GALK2: variants seen among roughly 807,000 people sequenced by gnomAD.
GALK2 encodes the protein N-acetylgalactosamine kinase.
In GALK2, 36 loss-of-function variants were observed where a neutral mutation model predicts 52.4. The observed-to-expected ratio is 0.69, with a 90% CI of 0.53 to 0.91. GALK2 has a LOEUF of 0.91. Among genes scored for constraint, GALK2 ranks in the 40% least tolerant of loss-of-function variants. The pLI is 0.00. For synonymous variants in GALK2, 176 were observed against 199.1 expected (o/e 0.88, Z 0.98); for missense variants, 579 against 559.1 (o/e 1.04, Z -0.36).
chr15:49,201,711 CT>C (rs1365952668), intron 2 of GALK2, among the ~76,000 whole-genome samples: 1 of 152,090 alleles, frequency 6.6e-6, no homozygotes, highest in African/African-American at 2.4e-5. Flanking sequence ...ATTTTACTAC[CT>C]TTTAGTGGTA....
At chr15:49,157,386 T>A (rs2084495395) in intron 1 of GALK2, among the ~76,000 whole-genome samples, 1 of 152,180 alleles carries the variant, frequency 6.6e-6, no homozygotes, top group Non-Finnish European at 1.5e-5. Context: ...CTAATTAAAA[T>A]TACTACCCCA....
chr15:49,170,284 A>C lies in GALK2; in HGVS notation c.-39A>C. 1 of 1,562,250 alleles carries C rather than the reference A, an allele frequency of 6.4e-7. No individual in the cohort carries two copies. Among genetic ancestry groups the C allele is most frequent in the Non-Finnish European group, 8.7e-7 (1 of 1,152,832 alleles). ...TGATTGCTCTGGGAGCTTTGCTTAG[A>C]CACTTGAAACTACAGGAGAAAGAAG... On this transcript the variant is annotated 5_prime_UTR_variant, in exon 1 of 10. Coordinates refer to ENST00000560031, the MANE Select transcript of GALK2 (RefSeq NM_002044.4).
intron 1 of GALK2, chr15:49,177,661 AC>A: frequency 6.3e-6 from 2 of 315,070 alleles, no homozygotes; most frequent in South Asian, 4.7e-5. Context: ...AGTGAGAATC[AC>A]CAGGAGTGTG....
At chr15:49,243,015 C>T (rs768913694) in intron 5 of GALK2, among the ~76,000 whole-genome samples, 11 of 152,024 alleles carry the variant, frequency 7.2e-5, no homozygotes, top group African/African-American at 2.4e-4. Flanking sequence ...ATGACTTAGG[C>T]GAATGGAGAA....
At chr15:49,188,606 T>G (rs977637134) in intron 1 of GALK2, among the ~76,000 whole-genome samples, 2 of 152,248 alleles carry the variant, frequency 1.3e-5, no homozygotes, top group Non-Finnish European at 2.9e-5. Flanking sequence ...ATTACTCACC[T>G]GATTTTGGGT....
intron 1 of GALK2, among the ~76,000 whole-genome samples, chr15:49,163,560 C>T (rs1313461455): frequency 1.3e-5 from 2 of 152,138 alleles, no homozygotes; most frequent in African/African-American, 4.8e-5. Flanking sequence ...TCAAATTGTT[C>T]CAGCATCATT....
At chr15:49,228,687 A>ATAT (rs1555409061) in intron 3 of GALK2, among the ~76,000 whole-genome samples, 6 of 14,278 alleles carry the variant, frequency 4.2e-4, no homozygotes, top group East Asian at 3.8e-3. Flanking sequence ...ATATATATAT[A>ATAT]TTTTTTTTTT....
chr15:49,278,479 A>T (rs1480487770), intron 5 of GALK2, among the ~76,000 whole-genome samples: 1 of 152,228 alleles, frequency 6.6e-6, no homozygotes, highest in Non-Finnish European at 1.5e-5. Context: ...TGTAAATCAG[A>T]TGATTCCTTA....
chr15:49,366,058 C>A, intron 3 of GALK2: 2 of 810,764 alleles, frequency 2.5e-6, no homozygotes, highest in Non-Finnish European at 4.4e-6. Context: ...CTTTTTTTTC[C>A]CTCATTTATC....
intron 1 of GALK2, among the ~76,000 whole-genome samples, chr15:49,188,189 G>C (rs917521609): frequency 3.9e-5 from 6 of 152,176 alleles, no homozygotes; most frequent in African/African-American, 1.4e-4. Context: ...AGGATGTGTA[G>C]AAATGTTGTC....
chr15:49,243,096 G>T lies in GALK2; in HGVS notation c.504+3729G>T, dbSNP rs537659802. On this transcript the variant is annotated intron_variant, in intron 5 of 9. Transcript: ENST00000560031. ...AGCTGACTCATCCCACAGCTCTCTG[G>T]CAAGGCTTAGGAAGAAAGCAGGGTA... 1.5e-4 allele frequency among the ~76,000 whole-genome samples: 23 copies of T among 152,308 alleles called. No individual in the cohort carries two copies. The South Asian group carries it at 1.9e-3, about 12-fold the overall frequency.
intron 5 of GALK2, among the ~76,000 whole-genome samples, chr15:49,269,497 T>A (rs2030045808): frequency 6.6e-6 from 1 of 152,226 alleles, no homozygotes; most frequent in African/African-American, 2.4e-5. Flanking sequence ...TTTACTTCCC[T>A]CTCCTATTTT....
rs115588735 is a variant in GALK2 at position 49,274,771 on chromosome 15, C to T, written c.505-7216C>T. Among the ~76,000 whole-genome samples, 990 of 151,936 alleles carry T rather than the reference C, an allele frequency of 6.5e-3. 14 individuals are homozygous for T. The highest frequency in any genetic ancestry group is 0.022 in the African/African-American group (929 of 41,402). ...TTTTTAAAATTTTTTAATTTTTTAA[C>T]GTTTTAAACTTTTAGTTTTTTTGTT... On this transcript the variant is annotated intron_variant, in intron 5 of 9. Transcript: ENST00000560031.
At chr15:49,288,269 G>A (rs2033586711) in intron 7 of GALK2, among the ~76,000 whole-genome samples, 1 of 152,212 alleles carries the variant, frequency 6.6e-6, no homozygotes, top group Admixed American at 6.5e-5. Flanking sequence ...ATTATGGGAA[G>A]TCAGGTAGGG....
At chr15:49,224,564 C>T (rs1035547328) in intron 3 of GALK2, among the ~76,000 whole-genome samples, 1 of 152,202 alleles carries the variant, frequency 6.6e-6, no homozygotes, top group Non-Finnish European at 1.5e-5. Flanking sequence ...GTTATACCAG[C>T]ACCATTTATT....
chr15:49,195,233 G>A, intron 1 of GALK2: 1 of 356,074 alleles, frequency 2.8e-6, no homozygotes, highest in Non-Finnish European at 5.5e-6. Context: ...CACCATGCTG[G>A]GCTAATTTTT....
downstream of GALK2, among the ~76,000 whole-genome samples, chr15:49,332,087 C>CCACACA (rs377139081): frequency 0.011 from 1,410 of 127,978 alleles, 11 homozygotes; most frequent in African/African-American, 0.014. Flanking sequence ...TGCACACGTG[C>CCACACA]CACACACACA....
rs186413168 is a variant in GALK2 at position 49,360,782 on chromosome 15, G to T, written c.427-6709G>T. Among the ~76,000 whole-genome samples the T allele has an allele frequency of 8.7e-4, 132 of 152,248 alleles. 1 individual carries two copies. Among genetic ancestry groups the T allele is most frequent in the Non-Finnish European group, 2.9e-5 (2 of 68,014 alleles). ...ATTTAAATGTTCTGCTAATGAATTA[G>T]TGTACATTAACTAGTAAACAAGTTT... On this transcript the variant is annotated intron_variant, in intron 3 of 3. Coordinates refer to the GALK2 transcript ENST00000558399.
At chr15:49,266,707 C>T (rs929274654) in intron 5 of GALK2, among the ~76,000 whole-genome samples, 1 of 152,106 alleles carries the variant, frequency 6.6e-6, no homozygotes, top group East Asian at 1.9e-4. Flanking sequence ...AGCCAGGTAC[C>T]CACTCCTGGA....
Sources: allele counts gnomAD v4.1 joint callset (sites outside exome capture counted in the v4.1 genomes callset), GRCh38; gene constraint gnomAD v4.1.1; transcripts MANE v1.5; gene names NCBI Gene and HGNC (gene_info 2026-07-23, HGNC 2026-07-21).